KAT6B: variants seen among roughly 807,000 people sequenced by gnomAD.
KAT6B encodes lysine acetyltransferase 6B.
In KAT6B, 10 loss-of-function variants were observed where a neutral mutation model predicts 187.5. That is an observed-to-expected ratio of 0.05 (90% CI 0.03 to 0.09). The LOEUF is 0.09. Ranked by LOEUF, KAT6B falls within the 10% of genes least tolerant of loss-of-function variation. The pLI, the probability that KAT6B is intolerant of heterozygous loss-of-function variation, is 1.00. For missense variants in KAT6B, 1,952 were observed against 2,558.9 expected (o/e 0.76, Z 5.12); for synonymous variants, 861 against 926.8 (o/e 0.93, Z 1.29).
rs377189837 is a variant in KAT6B at position 75,017,917 on chromosome 10, C to T, written c.2630-2665C>T. On this transcript the variant is annotated intron_variant, in intron 13 of 17. Transcript: ENST00000287239. ...TTTTGATGGATTCTGTTTTCTCTTA[C>T]GTGAGTAGACTTTGTGGACTTCCAA... is the stretch of plus-strand genomic sequence containing the variant. Among the ~76,000 whole-genome samples, 10 of 152,344 alleles carry T rather than the reference C, an allele frequency of 6.6e-5. No homozygotes were observed. The South Asian group carries it at 8.3e-4, about 13-fold the overall frequency.
At chr10:74,845,521 C>CAAAA (rs71024526) in intron 3 of KAT6B, among the ~76,000 whole-genome samples, 7 of 64,672 alleles carry the variant, frequency 1.1e-4, no homozygotes, top group African/African-American at 2.4e-4. Flanking sequence ...GACTCTGTCT[C>CAAAA]AAAAAAAAAA....
chr10:74,832,759 C>T (rs1422714073), intron 1 of KAT6B, among the ~76,000 whole-genome samples: 4 of 151,812 alleles, frequency 2.6e-5, no homozygotes, highest in Admixed American at 6.6e-5. Context: ...CTTGGCCTGT[C>T]GAAGTGCTGG....
At chr10:74,959,060 A>G (rs1350577699) in intron 3 of KAT6B, among the ~76,000 whole-genome samples, 1 of 151,522 alleles carries the variant, frequency 6.6e-6, no homozygotes, top group Admixed American at 6.6e-5. Flanking sequence ...AAATAAATAA[A>G]TAAATAAATA....
At chr10:74,984,458 G>A (rs2133823369) in intron 11 of KAT6B, 1 of 152,704 alleles carries the variant, frequency 6.5e-6, no homozygotes, top group East Asian at 1.9e-4. Flanking sequence ...TTATTTTGAA[G>A]AGAAGTAGAC....
At chr10:74,935,841 A>G (rs553059977) in intron 3 of KAT6B, among the ~76,000 whole-genome samples, 1 of 152,356 alleles carries the variant, frequency 6.6e-6, no homozygotes, top group South Asian at 2.1e-4. Flanking sequence ...TCCTTAGGAA[A>G]GTTTCAAAAG....
rs549607294 is a variant in KAT6B at position 74,937,151 on chromosome 10, C to T, written c.622-22819C>T. On this transcript the variant is annotated intron_variant, in intron 3 of 17. Transcript: ENST00000287239. ...GGCAGTGAGTTAAAGTGCCCCTGCTCAGATCGGGTTACTCCACAGGGCTTT... is the reference window on the plus strand; with the variant it reads ...GGCAGTGAGTTAAAGTGCCCCTGCTTAGATCGGGTTACTCCACAGGGCTTT... Among the ~76,000 whole-genome samples the T allele has an allele frequency of 3.3e-5, 5 of 152,334 alleles. No homozygotes were observed. In the East Asian group the frequency reaches 7.7e-4, roughly 23 times the overall value.
At chr10:74,856,861 A>G (rs1264808565) in intron 3 of KAT6B, among the ~76,000 whole-genome samples, 1 of 152,164 alleles carries the variant, frequency 6.6e-6, no homozygotes, top group Non-Finnish European at 1.5e-5. Flanking sequence ...AGGTCACACC[A>G]CTGCGCTCCA....
chr10:74,857,880 A>T (rs987161088), intron 3 of KAT6B, among the ~76,000 whole-genome samples: 1 of 152,146 alleles, frequency 6.6e-6, no homozygotes, highest in Non-Finnish European at 1.5e-5. Context: ...AAATTATCCA[A>T]GTGTGATGGC....
intron 8 of KAT6B, chr10:74,976,751 C>G: frequency 3.3e-6 from 1 of 301,698 alleles, no homozygotes; most frequent in Admixed American, 4.9e-5. Context: ...CCCTCTGCTC[C>G]ATTGCTTTCT....
chr10:74,847,380 C>T (rs539452483), intron 3 of KAT6B, among the ~76,000 whole-genome samples: 5 of 151,806 alleles, frequency 3.3e-5, no homozygotes, highest in African/African-American at 1.2e-4. Context: ...CATTTTTTTC[C>T]AGCTGGGTGC....
intron 13 of KAT6B, among the ~76,000 whole-genome samples, chr10:75,018,799 A>C (rs1353600648): frequency 6.6e-6 from 1 of 152,034 alleles, no homozygotes; most frequent in East Asian, 1.9e-4. Context: ...GGACTTTCAC[A>C]CTCACTGCAG....
intron 10 of KAT6B, 77 bp downstream of exon 10, chr10:74,979,416 G>A: frequency 3.0e-6 from 3 of 1,012,462 alleles, no homozygotes; most frequent in Non-Finnish European, 4.7e-6. Context: ...TTCTAAAGCA[G>A]GAATTAGGGA....
At chr10:75,026,253 TGACAGG>T (rs975305684) in intron 17 of KAT6B, 2 of 152,168 alleles carry the variant, frequency 1.3e-5, no homozygotes, top group African/African-American at 4.8e-5. Flanking sequence ...CCTTTTAAGT[TGACAGG>T]GACACCTCTA....
chr10:74,968,552 T>G (rs1025995662), intron 4 of KAT6B, among the ~76,000 whole-genome samples: 2 of 152,136 alleles, frequency 1.3e-5, no homozygotes. Flanking sequence ...AAATACATAT[T>G]TAAACAATGA....
At chr10:74,970,900 C>T (rs1841806856) in intron 6 of KAT6B, among the ~76,000 whole-genome samples, 1 of 152,146 alleles carries the variant, frequency 6.6e-6, no homozygotes, top group African/African-American at 2.4e-5. Context: ...TAAATATTCT[C>T]CTAAACATAG....
At chr10:74,982,472 G>A (rs1842571316) in intron 11 of KAT6B, 1 of 155,822 alleles carries the variant, frequency 6.4e-6, no homozygotes, top group Non-Finnish European at 1.4e-5. Flanking sequence ...AACCCCTTGT[G>A]GCCATATGTC....
chr10:74,987,764 G>A (rs1390703154), intron 12 of KAT6B, among the ~76,000 whole-genome samples: 2 of 152,226 alleles, frequency 1.3e-5, no homozygotes, highest in South Asian at 2.1e-4. Context: ...AAAAAACTCC[G>A]AAAGGTGGAA....
chr10:75,006,360 G>A (rs1844201719), intron 13 of KAT6B, among the ~76,000 whole-genome samples: 3 of 152,180 alleles, frequency 2.0e-5, no homozygotes, highest in Admixed American at 2.0e-4. Context: ...TGCAAAAATT[G>A]CAATTAAAAC....
chr10:74,916,484 T>TATC (rs1847688493), intron 3 of KAT6B, among the ~76,000 whole-genome samples: 1 of 152,198 alleles, frequency 6.6e-6, no homozygotes, highest in Non-Finnish European at 1.5e-5. Flanking sequence ...ATCTGCCCAG[T>TATC]GGTATTGAAT....
Sources: gnomAD v4.1 joint callset for allele counts (sites outside exome capture counted in the v4.1 genomes callset) on GRCh38, gnomAD v4.1.1 for gene constraint, MANE v1.5 for transcripts, NCBI Gene and HGNC (gene_info 2026-07-23, HGNC 2026-07-21) for gene names.